The following GUSB variants were observed in gnomAD, a reference collection of about 807,000 sequenced individuals.
GUSB encodes the protein beta-glucuronidase.
Under a neutral mutation model 74.6 loss-of-function variants are expected in GUSB, and 51 were observed. The observed-to-expected ratio is 0.68, with a 90% CI of 0.55 to 0.86. GUSB has a LOEUF of 0.86. Ranked by LOEUF, GUSB falls within the 40% of genes least tolerant of loss-of-function variation. GUSB has a pLI of 0.00. For synonymous variants in GUSB, 360 were observed against 348.3 expected, an observed-to-expected ratio of 1.03 and a Z score of -0.37; for missense variants, 736 against 853.7, an observed-to-expected ratio of 0.86 and a Z score of 1.72.
At chr7:65,974,863 G>T in intron 6 of GUSB, 56 bp downstream of exon 6, 1 of 1,594,504 alleles carries the variant, frequency 6.3e-7, no homozygotes, top group Non-Finnish European at 8.6e-7. Context: ...CAGGGAAGGC[G>T]AAAGTGGAGG....
intron 5 of GUSB, chr7:65,975,291 A>G: frequency 3.5e-6 from 2 of 572,118 alleles, no homozygotes; most frequent in East Asian, 3.1e-5. Flanking sequence ...TCATGCCTGG[A>G]GTTCCCACAC....
Position 65,964,115 on chromosome 7 carries a change from G to A in GUSB, c.1789+208C>T, listed in dbSNP as rs758597390. 39 of 608,806 alleles carry A rather than the reference G, an allele frequency of 6.4e-5. 1 individual carries two copies. The highest frequency in any genetic ancestry group is 1.3e-4 in the South Asian group (7 of 54,302). 37.7% of individuals were successfully genotyped at this position (608,806 alleles called of 1,614,324 possible). The stretch of plus-strand genomic sequence containing the variant: ...TGACTCTCCTGTTTGCTTTTTGACC[G>A]TATTTGGGAGGCGGGGGCCTGATTG... On this transcript the variant is annotated intron_variant, in intron 11 of 11. Coordinates refer to ENST00000304895, the MANE Select transcript of GUSB (RefSeq NM_000181.4).
chr7:65,982,198 C>G lies in GUSB; in HGVS notation c.-15G>C, dbSNP rs781149654. 73 of 1,497,888 alleles carry G rather than the reference C, an allele frequency of 4.9e-5. No homozygotes were observed. The highest frequency in any genetic ancestry group is 5.7e-5 in the Non-Finnish European group (64 of 1,123,680). 92.8% of individuals were successfully genotyped at this position (1,497,888 alleles called of 1,614,324 possible). ...CCCCGGGCCATGCTTCCCGGTCCCC[C>G]GCTCGGCCACCGTCTGCGGCGCTAA... On this transcript the variant is annotated 5_prime_UTR_variant, in exon 1 of 12. Coordinates refer to ENST00000304895, the MANE Select transcript of GUSB (RefSeq NM_000181.4).
chr7:65,962,598 C>T (rs1790568752), intron 11 of GUSB, among the ~76,000 whole-genome samples: 1 of 152,052 alleles, frequency 6.6e-6, no homozygotes, highest in African/African-American at 2.4e-5. Flanking sequence ...TTCAGCTGGC[C>T]ATGGTGGCTC....
intron 8 of GUSB, among the ~76,000 whole-genome samples, chr7:65,970,852 G>A (rs1395558896): frequency 1.3e-5 from 2 of 151,656 alleles, no homozygotes; most frequent in African/African-American, 4.8e-5. Flanking sequence ...TCATGCCACT[G>A]CACTCCAGCC....
chr7:65,963,090 T>A (rs1790605916), intron 11 of GUSB, among the ~76,000 whole-genome samples: 1 of 152,060 alleles, frequency 6.6e-6, no homozygotes, highest in Admixed American at 6.6e-5. Flanking sequence ...ACTCCTGACC[T>A]CAGGTGATCT....
In GUSB at chr7:65,960,973, C is replaced by T. The variant is rs1236992554; in HGVS notation, c.1880G>A (p.Trp627Ter). 7 of 1,613,636 alleles carry T rather than the reference C, an allele frequency of 4.3e-6. No homozygotes were observed. Among genetic ancestry groups the T allele is most frequent in the Non-Finnish European group, 5.9e-6 (7 of 1,179,854 alleles). ...SAAFLLRERY[W>*]KIANETRYPH... ...ATACCTGGTTTCATTGGCAATCTTC[C>T]AGTATCTCTCTCGCAAAAGGAACGC... Residue 627 changes from tryptophan (W) to a stop codon, truncating the protein, a stop_gained, in exon 12 of 12, where the codon TGG (tryptophan) becomes TAG (stop). Coordinates refer to ENST00000304895, the MANE Select transcript of GUSB (RefSeq NM_000181.4). LOFTEE classifies it low-confidence loss of function (END_TRUNC).
At chr7:65,980,507 A>ACACATAGC (rs1176022638) in intron 1 of GUSB, 98 bp from the exon 2 acceptor site, 2 of 1,090,092 alleles carry the variant, frequency 1.8e-6, no homozygotes, top group African/African-American at 3.1e-5. Flanking sequence ...ACAAGCCCTG[A>ACACATAGC]CACATAGCGG....
chr7:65,981,693 A>C (rs1299377817), intron 1 of GUSB, among the ~76,000 whole-genome samples: 1 of 152,210 alleles, frequency 6.6e-6, no homozygotes, highest in African/African-American at 2.4e-5. Flanking sequence ...TTTAAAAATT[A>C]AAAATAAATA....
chr7:65,972,085 GA>G (rs1791249744), intron 8 of GUSB, among the ~76,000 whole-genome samples: 1 of 152,200 alleles, frequency 6.6e-6, no homozygotes, highest in African/African-American at 2.4e-5. Flanking sequence ...TAGAAGGGAA[GA>G]AAAACCCAAC....
intron 2 of GUSB, 72 bp downstream of exon 2, chr7:65,980,152 G>C: frequency 4.3e-6 from 6 of 1,395,790 alleles, no homozygotes; most frequent in Non-Finnish European, 5.9e-6. Flanking sequence ...GCCGTGGGTG[G>C]CAGCTGGAGG....
At chr7:65,971,610 G>A (rs1791215664) in intron 8 of GUSB, among the ~76,000 whole-genome samples, 1 of 151,818 alleles carries the variant, frequency 6.6e-6, no homozygotes, top group African/African-American at 2.4e-5. Context: ...CATGCGCCTG[G>A]AATCCCAGCT....
At chr7:65,964,905 CA>C in intron 10 of GUSB, among the ~76,000 whole-genome samples, 1 of 150,970 alleles carries the variant, frequency 6.6e-6, no homozygotes, top group South Asian at 2.1e-4. Context: ...CCCATCTCTA[CA>C]AAAAGTACAA....
rs753328984 is a variant in GUSB at position 65,978,679 on chromosome 7, G to C, written c.724+720C>G. The stretch of plus-strand genomic sequence containing the variant: ...CCCAGTTACTCGGGAGGCTGAGGCA[G>C]GAGAATCGCTTGAACCCGGGAGGCA... On this transcript the variant is annotated intron_variant, in intron 4 of 11. Coordinates refer to ENST00000304895, the MANE Select transcript of GUSB (RefSeq NM_000181.4). Among the ~76,000 whole-genome samples the C allele has an allele frequency of 3.8e-3, 539 of 140,756 alleles. 1 individual carries two copies. The highest frequency in any genetic ancestry group is 5.9e-3 in the Non-Finnish European group (383 of 64,574). The allele number at this position is 140,756 out of a possible 152,430, so 92.3% of individuals were successfully genotyped here.
In GUSB at chr7:65,970,357, G is replaced by A. The variant is rs764344489; in HGVS notation, c.1401C>T (p.Ile467=). ...ESAGYYLKMV[I]AHTKSLDPSR... ...AGGGGTCCAAGGATTTGGTGTGAGC[G>A]ATCACCATCCTGTCCACAAAAGGCA... Residue 467 remains isoleucine (I), a synonymous_variant, in exon 9 of 12, where the codon ATC becomes ATT. Coordinates refer to ENST00000304895, the MANE Select transcript of GUSB (RefSeq NM_000181.4). 2.2e-5 allele frequency: 35 copies of A among 1,610,372 alleles called. No homozygotes were observed. Among genetic ancestry groups the A allele is most frequent in the Non-Finnish European group, 2.5e-5 (30 of 1,177,412 alleles).
rs1372686758 is a variant in GUSB, at chr7:65,960,999, T to C, written c.1854A>G (p.Ala618=). 13 of 1,613,726 alleles carry C rather than the reference T, an allele frequency of 8.1e-6. No individual in the cohort carries two copies. The highest frequency in any genetic ancestry group is 8.5e-6 in the Non-Finnish European group (10 of 1,179,824). Residue 618 remains alanine (A), a synonymous_variant, in exon 12 of 12, where the codon GCA becomes GCG. Coordinates refer to ENST00000304895, the MANE Select transcript of GUSB (RefSeq NM_000181.4). The part of the protein sequence containing the change: ...IFTRQRQPKS[A]AFLLRERYWK... ...AGTATCTCTCTCGCAAAAGGAACGCTGCACTTTTTGGTTGTCTCTGCCGAG... is the reference window on the plus strand; with the variant it reads ...AGTATCTCTCTCGCAAAAGGAACGCCGCACTTTTTGGTTGTCTCTGCCGAG...
rs749582075 is a variant in GUSB at position 65,974,545 on chromosome 7, C to T, written c.1225G>A (p.Gly409Ser). 1.2e-6 allele frequency: 2 copies of T among 1,614,170 alleles called. No individual in the cohort carries two copies. The highest frequency in any genetic ancestry group is 1.1e-5 in the South Asian group (1 of 91,086). The change falls in exon 7 of 12, where the codon GGC becomes AGC. Residue 409 changes from glycine (G) to serine (S), a missense_variant. Coordinates refer to ENST00000304895, the MANE Select transcript of GUSB (RefSeq NM_000181.4). Reference protein sequence around the residue: ...YGIVVIDECPGVGLALPQFFN... With the variant: ...YGIVVIDECPSVGLALPQFFN... The stretch of plus-strand genomic sequence containing the variant: ...ACTCACGGCAGCGCCAGGCCCACGC[C>T]GGGACACTCATCGATGACCACAATC...
intron 10 of GUSB, among the ~76,000 whole-genome samples, chr7:65,966,676 C>T (rs879747220): frequency 6.6e-6 from 1 of 151,996 alleles, no homozygotes; most frequent in Non-Finnish European, 1.5e-5. Context: ...CCCAGCTACT[C>T]AGGAGGCTGA....
chr7:65,966,041 A>G (rs1191500578), intron 10 of GUSB, among the ~76,000 whole-genome samples: 1 of 152,142 alleles, frequency 6.6e-6, no homozygotes, highest in Admixed American at 6.5e-5. Context: ...GTGGTGGCGC[A>G]TGCCTGTAAT....
Sources: allele counts gnomAD v4.1 joint callset (sites outside exome capture counted in the v4.1 genomes callset), GRCh38; gene constraint gnomAD v4.1.1; transcripts MANE v1.5; gene names NCBI Gene and HGNC (gene_info 2026-07-23, HGNC 2026-07-21).